Variants in PRKG1 observed in about 807,000 individuals in gnomAD.
PRKG1 encodes the protein cGMP-dependent protein kinase 1.
In PRKG1, 35 loss-of-function variants were observed where a neutral mutation model predicts 88.1. The observed-to-expected ratio is 0.40, with a 90% CI of 0.30 to 0.53. The LOEUF is 0.53. Among genes scored for constraint, PRKG1 ranks in the 20% least tolerant of loss-of-function variants. The pLI is 0.59. For synonymous variants in PRKG1, 303 were observed against 292.5 expected, an observed-to-expected ratio of 1.04 and a Z score of -0.37; for missense variants, 540 against 839.8, an observed-to-expected ratio of 0.64 and a Z score of 4.41.
intron 9 of PRKG1, among the ~76,000 whole-genome samples, chr10:52,187,321 A>T (rs1216998959): frequency 6.6e-6 from 1 of 152,134 alleles, no homozygotes; most frequent in African/African-American, 2.4e-5. Context: ...AATACAATGA[A>T]TTTTCTTTAT....
intron 3 of PRKG1, among the ~76,000 whole-genome samples, chr10:51,497,009 C>T (rs917728168): frequency 1.3e-5 from 2 of 152,124 alleles, no homozygotes; most frequent in Admixed American, 6.5e-5. Context: ...GGCCTGTCGT[C>T]GTTTATCAGA....
chr10:52,266,061 T>A (rs1250125788), intron 10 of PRKG1, among the ~76,000 whole-genome samples: 1 of 151,924 alleles, frequency 6.6e-6, no homozygotes. Flanking sequence ...TTGAGAACAG[T>A]TATATAATTA....
At chr10:51,030,202 G>A (rs1564575380) in intron 1 of PRKG1, among the ~76,000 whole-genome samples, 1 of 149,258 alleles carries the variant, frequency 6.7e-6, no homozygotes, top group East Asian at 1.9e-4. Context: ...TATATTTACT[G>A]TTTTTTTTCA....
intron 3 of PRKG1, among the ~76,000 whole-genome samples, chr10:51,737,535 C>G (rs10762342): frequency 6.6e-6 from 1 of 151,636 alleles, no homozygotes; most frequent in Non-Finnish European, 1.5e-5. Flanking sequence ...TCACTGGTGT[C>G]GAAGGAATGA....
chr10:51,057,553 T>A (rs1483981299), intron 1 of PRKG1, among the ~76,000 whole-genome samples: 1 of 152,170 alleles, frequency 6.6e-6, no homozygotes, highest in Non-Finnish European at 1.5e-5. Flanking sequence ...CTCATGCCAT[T>A]TCCCAATCAC....
At chr10:51,341,654 A>T (rs1197405183) in intron 2 of PRKG1, among the ~76,000 whole-genome samples, 1 of 152,148 alleles carries the variant, frequency 6.6e-6, no homozygotes, top group African/African-American at 2.4e-5. Flanking sequence ...TTGATATTTG[A>T]TAGGAAGTGG....
intron 2 of PRKG1, among the ~76,000 whole-genome samples, chr10:51,362,843 T>G (rs1277880750): frequency 1.3e-5 from 2 of 151,942 alleles, no homozygotes; most frequent in Admixed American, 1.3e-4. Context: ...GTGTTCTCAT[T>G]GTTCAACTCC....
intron 1 of PRKG1, among the ~76,000 whole-genome samples, chr10:51,005,000 A>G (rs1050648759): frequency 1.3e-5 from 2 of 152,258 alleles, no homozygotes. Context: ...TATTGGAACC[A>G]CTCAGTGGAG....
chr10:52,285,904 A>G (rs978884068), intron 14 of PRKG1, among the ~76,000 whole-genome samples: 1 of 152,102 alleles, frequency 6.6e-6, no homozygotes, highest in Non-Finnish European at 1.5e-5. Flanking sequence ...TAATGAAAAA[A>G]GAAAAAATAC....
intron 3 of PRKG1, among the ~76,000 whole-genome samples, chr10:51,575,088 C>G (rs12263393): frequency 0.069 from 10,520 of 152,010 alleles, 1,198 homozygotes; most frequent in African/African-American, 0.24. Context: ...TTCACGGCTA[C>G]AAGTGAGAGC....
At chr10:51,556,037 A>G (rs1310760665) in intron 3 of PRKG1, among the ~76,000 whole-genome samples, 2 of 152,020 alleles carry the variant, frequency 1.3e-5, no homozygotes, top group African/African-American at 4.8e-5. Context: ...GCTGTAAGGA[A>G]TAGAGGGAGA....
chr10:51,199,204 A>G (rs1477188828), intron 2 of PRKG1, among the ~76,000 whole-genome samples: 1 of 152,192 alleles, frequency 6.6e-6, no homozygotes, highest in East Asian at 1.9e-4. Context: ...GTATCAGTCT[A>G]GTTTTGCTGA....
intron 5 of PRKG1, among the ~76,000 whole-genome samples, chr10:51,945,603 C>T (rs1843011819): frequency 6.6e-6 from 1 of 151,746 alleles, no homozygotes; most frequent in African/African-American, 2.4e-5. Context: ...TGGGTTGTTC[C>T]TTTCCATGTT....
intron 2 of PRKG1, among the ~76,000 whole-genome samples, chr10:51,414,160 A>C (rs977109422): frequency 2.0e-5 from 3 of 152,210 alleles, no homozygotes; most frequent in African/African-American, 7.2e-5. Flanking sequence ...TGGCCCCTAC[A>C]GCAATGTGCC....
At chr10:51,861,247 AAGTC>A in intron 4 of PRKG1, among the ~76,000 whole-genome samples, 1 of 152,298 alleles carries the variant, frequency 6.6e-6, no homozygotes, top group Non-Finnish European at 1.5e-5. Flanking sequence ...CTTATGGAAA[AAGTC>A]AGTAAGGGTA....
intron 3 of PRKG1, among the ~76,000 whole-genome samples, chr10:51,659,762 A>C (rs747425914): frequency 2.0e-4 from 31 of 152,118 alleles, no homozygotes; most frequent in Admixed American, 8.5e-4. Context: ...AGAGCTCATC[A>C]CAAGCCTTGG....
chr10:52,271,089 A>C (rs1359746261), intron 10 of PRKG1, among the ~76,000 whole-genome samples: 1 of 152,054 alleles, frequency 6.6e-6, no homozygotes, highest in Non-Finnish European at 1.5e-5. Context: ...AACTAAGTAC[A>C]TTTTCCCTCT....
intron 5 of PRKG1, among the ~76,000 whole-genome samples, chr10:51,956,238 A>G (rs1323856879): frequency 2.0e-5 from 3 of 152,038 alleles, no homozygotes; most frequent in Non-Finnish European, 4.4e-5. Flanking sequence ...TTGTGGTTTC[A>G]AGTGATATAC....
intron 3 of PRKG1, among the ~76,000 whole-genome samples, chr10:51,497,521 G>C (rs7100165): frequency 0.94 from 142,830 of 152,074 alleles, 67,076 homozygotes; most frequent in East Asian, 1. Flanking sequence ...AATTAGAGAA[G>C]AGTGTGGTCG....
Sources: gnomAD v4.1 joint callset for allele counts (sites outside exome capture counted in the v4.1 genomes callset) on GRCh38, gnomAD v4.1.1 for gene constraint, MANE v1.5 for transcripts, NCBI Gene and HGNC (gene_info 2026-07-23, HGNC 2026-07-21) for gene names.